The following KIRREL3 variants were observed in gnomAD, a reference collection of about 807,000 sequenced individuals.
KIRREL3 encodes the protein kirre like nephrin family adhesion molecule 3.
In KIRREL3, 36 loss-of-function variants were observed where a neutral mutation model predicts 89.7. The observed-to-expected ratio is 0.40, with a 90% CI of 0.31 to 0.53. The LOEUF (loss-of-function observed/expected upper bound fraction) is 0.53. Among genes scored for constraint, KIRREL3 ranks in the 20% least tolerant of loss-of-function variants. The pLI is 0.49. For missense variants in KIRREL3, 864 were observed against 1,056.6 expected (o/e 0.82, Z 2.53); for synonymous variants, 445 against 441.4 (o/e 1.01, Z -0.10).
At chr11:126,445,252 C>A in intron 9 of KIRREL3, 147 bp from the exon 10 acceptor site, 1 of 1,010,212 alleles carries the variant, frequency 9.9e-7, no homozygotes, top group Non-Finnish European at 1.4e-6. Context: ...GGAAAGAGGC[C>A]AAAAGTTTCC....
chr11:126,787,667 A>G (rs993829681), intron 1 of KIRREL3, among the ~76,000 whole-genome samples: 1 of 152,212 alleles, frequency 6.6e-6, no homozygotes, highest in Non-Finnish European at 1.5e-5. Flanking sequence ...AGCCTCCGGA[A>G]TATAATTGAC....
At chr11:126,849,845 C>G (rs1008368207) in intron 1 of KIRREL3, among the ~76,000 whole-genome samples, 2 of 152,186 alleles carry the variant, frequency 1.3e-5, no homozygotes, top group Admixed American at 6.5e-5. Flanking sequence ...TTCACCATGG[C>G]ACAGGCAGCA....
chr11:126,733,702 G>A (rs1948709065), intron 1 of KIRREL3, among the ~76,000 whole-genome samples: 1 of 152,150 alleles, frequency 6.6e-6, no homozygotes. Context: ...CCCTTTCTGT[G>A]TCTTGACACA....
In KIRREL3 at chr11:126,564,126, C is replaced by CT. The variant is rs1293704647; in HGVS notation, c.56-1215dup. Among the ~76,000 whole-genome samples the CT allele has an allele frequency of 2.6e-5, 4 of 152,256 alleles. No individual in the cohort carries two copies. The highest frequency in any genetic ancestry group is 4.8e-5 in the African/African-American group (2 of 41,470). On this transcript the variant is annotated intron_variant, in intron 1 of 16. Coordinates refer to ENST00000525144, the MANE Select transcript of KIRREL3 (RefSeq NM_032531.4). The surrounding 1 kb of genome is among the most constrained non-coding windows in gnomAD (Gnocchi z 7.4). The stretch of plus-strand genomic sequence containing the variant: ...CTTGCCAGGGTTTCTGGGCTCCTCC[C>CT]TGCTCCTTCCTTTGATTTCTCAGAG...
Position 126,631,435 on chromosome 11 carries a change from A to T in KIRREL3, c.56-68523T>A, listed in dbSNP as rs908955180. ...TCACAGACAGTTTGAAGTTGTTCAT[A>T]TGCAGAATCGGAAGATTCTGAGCAG... is the stretch of plus-strand genomic sequence containing the variant. On this transcript the variant is annotated intron_variant, in intron 1 of 16. Transcript: ENST00000525144. 7.2e-5 allele frequency among the ~76,000 whole-genome samples: 11 copies of T among 152,320 alleles called. No individual in the cohort carries two copies. The East Asian group carries it at 1.4e-3, about 19-fold the overall frequency.
rs1957873191 is a variant in KIRREL3, at chr11:126,501,760, G to A, written c.433+19555C>T. ...CCCTGGGCACTGCTTGCCTCTGCCT[G>A]CCTTTGCCTCCTTTTCCCGCTTCTG... On this transcript the variant is annotated intron_variant, in intron 4 of 16. Transcript: ENST00000525144. The surrounding 1 kb of genome is among the most constrained non-coding windows in gnomAD (Gnocchi z 5.8). 6.6e-6 allele frequency among the ~76,000 whole-genome samples: 1 copy of A among 152,176 alleles called. No homozygotes were observed. Among genetic ancestry groups the A allele is most frequent in the Non-Finnish European group, 1.5e-5 (1 of 68,038 alleles).
rs1948532860 is a variant in KIRREL3, at chr11:126,943,775, C to T, written c.55+56680G>A. 1.3e-5 allele frequency among the ~76,000 whole-genome samples: 2 copies of T among 152,130 alleles called. No homozygotes were observed. The highest frequency in any genetic ancestry group is 2.1e-4 in the South Asian group (1 of 4,818). On this transcript the variant is annotated intron_variant, in intron 1 of 16. Transcript: ENST00000525144. The surrounding 1 kb of genome is among the most constrained non-coding windows in gnomAD (Gnocchi z 4.2). Reference sequence around the variant, plus strand: ...AGGCTGCCACATTTCCCTATGCCCCCTGAGTTTTAGAGATACCCTATTTGA... The same window carrying T: ...AGGCTGCCACATTTCCCTATGCCCCTTGAGTTTTAGAGATACCCTATTTGA...
Position 126,771,771 on chromosome 11 carries a change from C to A in KIRREL3, c.56-208859G>T, listed in dbSNP as rs1007149855. Among the ~76,000 whole-genome samples the A allele has an allele frequency of 6.6e-6, 1 of 152,274 alleles. No homozygotes were observed. The highest frequency in any genetic ancestry group is 1.9e-4 in the East Asian group (1 of 5,178). ...TCAACCAACATCTTTATTAAAAAAACGTTTTCATGTGAAGCCACAGATTTG... is the reference window on the plus strand; with the variant it reads ...TCAACCAACATCTTTATTAAAAAAAAGTTTTCATGTGAAGCCACAGATTTG... On this transcript the variant is annotated intron_variant, in intron 1 of 16. Transcript: ENST00000525144. This position sits in a 1 kb window ranked among gnomAD's most constrained non-coding sequence, Gnocchi z 4.4.
chr11:126,984,531 C>T (rs934597030), intron 1 of KIRREL3, among the ~76,000 whole-genome samples: 1 of 152,224 alleles, frequency 6.6e-6, no homozygotes, highest in Non-Finnish European at 1.5e-5. Context: ...CCAGGCCATT[C>T]TCACTGGCTG....
intron 1 of KIRREL3, among the ~76,000 whole-genome samples, chr11:126,901,550 G>A (rs1266315695): frequency 6.6e-6 from 1 of 152,190 alleles, no homozygotes; most frequent in African/African-American, 2.4e-5. Context: ...ACTGTCTGCA[G>A]AAAGCATGGG....
chr11:126,605,321 A>G lies in KIRREL3; in HGVS notation c.56-42409T>C, dbSNP rs1942841163. ...AATGTAGAGGATCAGGGTCCCAGTGAGCAGCTTCATCTTCAGGCGTCGGGA... is the reference window on the plus strand; with the variant it reads ...AATGTAGAGGATCAGGGTCCCAGTGGGCAGCTTCATCTTCAGGCGTCGGGA... On this transcript the variant is annotated intron_variant, in intron 1 of 16. Coordinates refer to ENST00000525144, the MANE Select transcript of KIRREL3 (RefSeq NM_032531.4). The surrounding 1 kb of genome is among the most constrained non-coding windows in gnomAD (Gnocchi z 5.7). Among the ~76,000 whole-genome samples, 1 of 152,208 alleles carries G rather than the reference A, an allele frequency of 6.6e-6. No homozygotes were observed. The highest frequency in any genetic ancestry group is 1.5e-5 in the Non-Finnish European group (1 of 68,040).
chr11:126,744,076 C>T lies in KIRREL3; in HGVS notation c.56-181164G>A, dbSNP rs1263441566. On this transcript the variant is annotated intron_variant, in intron 1 of 16. Transcript: ENST00000525144. This position sits in a 1 kb window ranked among gnomAD's most constrained non-coding sequence, Gnocchi z 4.7. ...GAAAAGAAGAGGAGCAGAAAATGTT[C>T]CAGAAAGTTGGGACTAGCCAAGGGG... Among the ~76,000 whole-genome samples the T allele has an allele frequency of 1.3e-5, 2 of 152,078 alleles. No individual in the cohort carries two copies. The highest frequency in any genetic ancestry group is 4.8e-5 in the African/African-American group (2 of 41,402).
rs1203406335 is a variant in KIRREL3, at chr11:126,892,585, T to C, written c.55+107870A>G. 6.6e-6 allele frequency among the ~76,000 whole-genome samples: 1 copy of C among 152,214 alleles called. No homozygotes were observed. The highest frequency in any genetic ancestry group is 2.4e-5 in the African/African-American group (1 of 41,456). Reference sequence around the variant, plus strand: ...CACAGCTAGAAGTAAGGCCTGGCTCTGTGCACGTGTGTGTGCATGTGCACG... The same window carrying C: ...CACAGCTAGAAGTAAGGCCTGGCTCCGTGCACGTGTGTGTGCATGTGCACG... On this transcript the variant is annotated intron_variant, in intron 1 of 16. Coordinates refer to ENST00000525144, the MANE Select transcript of KIRREL3 (RefSeq NM_032531.4). This position sits in a 1 kb window ranked among gnomAD's most constrained non-coding sequence, Gnocchi z 5.4.
intron 1 of KIRREL3, among the ~76,000 whole-genome samples, chr11:126,849,802 C>T (rs1449647602): frequency 6.6e-6 from 1 of 152,122 alleles, no homozygotes; most frequent in Non-Finnish European, 1.5e-5. Flanking sequence ...CCAATGGATG[C>T]ACCTGTTGAG....
intron 1 of KIRREL3, among the ~76,000 whole-genome samples, chr11:126,980,118 C>T (rs74380032): frequency 0.015 from 2,263 of 152,222 alleles, 47 homozygotes; most frequent in African/African-American, 0.051. Flanking sequence ...AGAGAGGTAA[C>T]CTTTGAGCCA....
intron 1 of KIRREL3, among the ~76,000 whole-genome samples, chr11:126,871,815 C>T (rs1945118646): frequency 6.6e-6 from 1 of 152,138 alleles, no homozygotes; most frequent in Non-Finnish European, 1.5e-5. Context: ...TACTTTCATC[C>T]AACACATTTC....
Position 126,776,873 on chromosome 11 carries a change from T to A in KIRREL3, c.56-213961A>T, listed in dbSNP as rs140056256. Among the ~76,000 whole-genome samples the A allele has an allele frequency of 2.1e-3, 317 of 152,326 alleles. 1 individual carries two copies. In the South Asian group the frequency reaches 0.024, roughly 12 times the overall value. On this transcript the variant is annotated intron_variant, in intron 1 of 16. Transcript: ENST00000525144. This position sits in a 1 kb window ranked among gnomAD's most constrained non-coding sequence, Gnocchi z 4.7. Reference sequence around the variant, plus strand: ...GCTTTCCTGGCCCTGCCTGGGGTAGTCCAAATGGAGTGCAGGAGACCGGTG... The same window carrying A: ...GCTTTCCTGGCCCTGCCTGGGGTAGACCAAATGGAGTGCAGGAGACCGGTG...
chr11:126,766,339 A>G lies in KIRREL3; in HGVS notation c.56-203427T>C. Among the ~76,000 whole-genome samples the G allele has an allele frequency of 6.6e-6, 1 of 152,154 alleles. No homozygotes were observed. The highest frequency in any genetic ancestry group is 1.5e-5 in the Non-Finnish European group (1 of 68,032). On this transcript the variant is annotated intron_variant, in intron 1 of 16. Coordinates refer to ENST00000525144, the MANE Select transcript of KIRREL3 (RefSeq NM_032531.4). The surrounding 1 kb of genome is among the most constrained non-coding windows in gnomAD (Gnocchi z 4.2). The stretch of plus-strand genomic sequence containing the variant: ...CCCATTACAGTAATGACAGTGTTGC[A>G]GAATTAGAACACTCACTCCTACGCG...
rs148326601 is a variant in KIRREL3 at position 126,751,994 on chromosome 11, T to C, written c.56-189082A>G. Among the ~76,000 whole-genome samples the C allele has an allele frequency of 4.1e-3, 622 of 152,336 alleles. 5 individuals are homozygous for C. The highest frequency in any genetic ancestry group is 7.2e-3 in the Admixed American group (110 of 15,292). On this transcript the variant is annotated intron_variant, in intron 1 of 16. Transcript: ENST00000525144. ...CTGGGATTACAGGCATGAGCCACCATGCCAAGCTTAGAATGTAGAGTTTAG... is the reference window on the plus strand; with the variant it reads ...CTGGGATTACAGGCATGAGCCACCACGCCAAGCTTAGAATGTAGAGTTTAG...
Sources: gnomAD v4.1 joint callset for allele counts (sites outside exome capture counted in the v4.1 genomes callset) on GRCh38, gnomAD v4.1.1 for gene constraint, Gnocchi (gnomAD v3.1) non-coding constraint, MANE v1.5 for transcripts, NCBI Gene and HGNC (gene_info 2026-07-23, HGNC 2026-07-21) for gene names.